MAN1A1: variants seen among roughly 807,000 people sequenced by gnomAD.
MAN1A1 encodes the protein mannosyl-oligosaccharide 1,2-alpha-mannosidase IA.
MAN1A1 carries 29 observed loss-of-function variants against 70.8 expected under a neutral mutation model. The observed-to-expected ratio is 0.41, with a 90% CI of 0.31 to 0.56. The LOEUF is 0.56. MAN1A1 is among the 20% of genes least tolerant of loss of function. MAN1A1 has a pLI of 0.29. For missense variants in MAN1A1, 747 were observed against 841.3 expected (o/e 0.89, Z 1.39); for synonymous variants, 349 against 330.1 (o/e 1.06, Z -0.62).
intron 2 of MAN1A1, among the ~76,000 whole-genome samples, chr6:119,326,434 G>A (rs1403627535): frequency 2.0e-5 from 3 of 152,280 alleles, no homozygotes; most frequent in South Asian, 2.1e-4. Context: ...TACACAAACC[G>A]GTTATAACAA....
Position 119,177,717 on chromosome 6 carries a change from AC to A in MAN1A1, c.*2101del, listed in dbSNP as rs1048636790. ...AAATCCAAGTTCTAGAATTGCAAAA[AC>A]TTCATTGTTGCCACTGAGAGAGCAA... On this transcript the variant is annotated 3_prime_UTR_variant, in exon 13 of 13. Coordinates refer to ENST00000368468, the MANE Select transcript of MAN1A1 (RefSeq NM_005907.4). 3.9e-5 allele frequency: 6 copies of A among 152,016 alleles called. No homozygotes were observed. Among genetic ancestry groups the A allele is most frequent in the African/African-American group, 1.4e-4 (6 of 41,416 alleles). The allele number at this position is 152,016 out of a possible 1,614,324, so 9.4% of individuals were successfully genotyped here. A position where few individuals can be genotyped will look rare whatever the true frequency, so the allele number is the denominator to read the frequency against.
chr6:119,256,821 A>G (rs1661755472), intron 5 of MAN1A1, among the ~76,000 whole-genome samples: 2 of 152,214 alleles, frequency 1.3e-5, no homozygotes, highest in African/African-American at 4.8e-5. Flanking sequence ...GCTTATTTTA[A>G]GACTTAATAA....
chr6:119,214,128 C>T lies in MAN1A1; in HGVS notation c.993-9246G>A, dbSNP rs188482750. On this transcript the variant is annotated intron_variant, in intron 6 of 12. Transcript: ENST00000368468. ...TACAGGCGTGCACCACAGCACCTGG[C>T]TTAATTTTTGTATTTTTAGTAGAGA... Among the ~76,000 whole-genome samples the T allele has an allele frequency of 2.6e-5, 4 of 152,142 alleles. No individual in the cohort carries two copies. In the East Asian group the frequency reaches 7.8e-4, roughly 30 times the overall value.
chr6:119,239,557 T>C (rs919468660), intron 6 of MAN1A1, among the ~76,000 whole-genome samples: 1 of 152,228 alleles, frequency 6.6e-6, no homozygotes, highest in Non-Finnish European at 1.5e-5. Context: ...AGATTCAATG[T>C]AGTTAGTTGA....
chr6:119,232,668 T>TAC (rs1265443181), intron 6 of MAN1A1, among the ~76,000 whole-genome samples: 4 of 140,596 alleles, frequency 2.8e-5, no homozygotes, highest in African/African-American at 8.0e-5. Context: ...ATTTCATATA[T>TAC]ACACATATAT....
At chr6:119,246,687 G>C (rs1223250032) in intron 6 of MAN1A1, among the ~76,000 whole-genome samples, 2 of 152,146 alleles carry the variant, frequency 1.3e-5, no homozygotes, top group Non-Finnish European at 2.9e-5. Context: ...TTTTAGGTAA[G>C]AGAGTAGTAT....
At chr6:119,206,620 G>T (rs1773868920) in intron 6 of MAN1A1, among the ~76,000 whole-genome samples, 1 of 152,212 alleles carries the variant, frequency 6.6e-6, no homozygotes, top group Admixed American at 6.5e-5. Flanking sequence ...GGGAATGTGA[G>T]TCAGGTTTTA....
At chr6:119,214,375 A>G (rs776857584) in intron 6 of MAN1A1, among the ~76,000 whole-genome samples, 5 of 152,242 alleles carry the variant, frequency 3.3e-5, no homozygotes, top group Admixed American at 6.5e-5. Context: ...TCAAAGAACA[A>G]AGTAACTGGC....
At chr6:119,243,197 T>G (rs1052945432) in intron 6 of MAN1A1, among the ~76,000 whole-genome samples, 7 of 152,202 alleles carry the variant, frequency 4.6e-5, no homozygotes, top group Middle Eastern at 3.4e-3. Context: ...TTAAGCAATA[T>G]TTTTGCCTCA....
chr6:119,269,780 T>C (rs1775866352), intron 5 of MAN1A1: 1 of 152,266 alleles, frequency 6.6e-6, no homozygotes, highest in African/African-American at 2.4e-5. Context: ...TCTTTGAAGG[T>C]GACCAATTAT....
At chr6:119,296,585 T>G (rs1045140177) in intron 4 of MAN1A1, among the ~76,000 whole-genome samples, 7 of 152,052 alleles carry the variant, frequency 4.6e-5, no homozygotes, top group African/African-American at 1.7e-4. Flanking sequence ...AGTCATGCAT[T>G]TGAGAAGATC....
intron 5 of MAN1A1, among the ~76,000 whole-genome samples, chr6:119,279,015 C>T (rs1266598767): frequency 6.6e-6 from 1 of 152,112 alleles, no homozygotes. Flanking sequence ...TATAGCAATA[C>T]AAAATGGACT....
intron 4 of MAN1A1, among the ~76,000 whole-genome samples, chr6:119,294,694 A>G (rs1772150743): frequency 1.3e-5 from 2 of 152,144 alleles, no homozygotes; most frequent in Non-Finnish European, 2.9e-5. Context: ...AACCAATAAA[A>G]AAATCAGAAT....
chr6:119,232,645 T>C (rs907539871), intron 6 of MAN1A1, among the ~76,000 whole-genome samples: 1 of 151,414 alleles, frequency 6.6e-6, no homozygotes, highest in Admixed American at 6.6e-5. Flanking sequence ...TTAGATTAAA[T>C]CAAATTAATG....
chr6:119,303,394 C>T (rs1004068076), intron 3 of MAN1A1, among the ~76,000 whole-genome samples: 1 of 152,164 alleles, frequency 6.6e-6, no homozygotes. Flanking sequence ...GACAATGATG[C>T]CCAATTGTAA....
At chr6:119,198,895 T>C (rs1773643535) in intron 8 of MAN1A1, among the ~76,000 whole-genome samples, 1 of 152,220 alleles carries the variant, frequency 6.6e-6, no homozygotes, top group African/African-American at 2.4e-5. Context: ...ATTACAACAA[T>C]AGTCAACAAG....
At chr6:119,212,478 A>G (rs1235989282) in intron 6 of MAN1A1, among the ~76,000 whole-genome samples, 1 of 152,200 alleles carries the variant, frequency 6.6e-6, no homozygotes, top group African/African-American at 2.4e-5. Flanking sequence ...TCAGTCAGGC[A>G]TAATTTACTG....
chr6:119,235,111 C>T lies in MAN1A1; in HGVS notation c.992+13149G>A, dbSNP rs1262922007. 2.0e-5 allele frequency among the ~76,000 whole-genome samples: 3 copies of T among 152,306 alleles called. No homozygotes were observed. In the East Asian group the frequency reaches 5.8e-4, roughly 29 times the overall value. On this transcript the variant is annotated intron_variant, in intron 6 of 12. Transcript: ENST00000368468. ...CGCATTTCTCTTCCTCTCCTCAGGA[C>T]CTTCCATTCCTTGAGATACTACAAT...
rs189955180 is a variant in MAN1A1 at position 119,325,112 on chromosome 6, T to C, written c.604-18120A>G. On this transcript the variant is annotated intron_variant, in intron 2 of 12. Coordinates refer to ENST00000368468, the MANE Select transcript of MAN1A1 (RefSeq NM_005907.4). ...ATAGTAGTTACAATTCCAGACACTT[T>C]ACATATATCAACACATTTAATTTAA... Among the ~76,000 whole-genome samples the C allele has an allele frequency of 4.6e-5, 7 of 152,322 alleles. No individual in the cohort carries two copies. The East Asian group carries it at 1.4e-3, about 29-fold the overall frequency.
Sources: allele counts gnomAD v4.1 joint callset (sites outside exome capture counted in the v4.1 genomes callset), GRCh38; gene constraint gnomAD v4.1.1; transcripts MANE v1.5; gene names NCBI Gene and HGNC (gene_info 2026-07-23, HGNC 2026-07-21).